The following FTO variants were observed in gnomAD, a reference collection of about 807,000 sequenced individuals.
FTO encodes the protein alpha-ketoglutarate-dependent dioxygenase FTO.
Under a neutral mutation model 63.9 loss-of-function variants are expected in FTO, and 47 were observed. The observed-to-expected ratio is 0.74, with a 90% CI of 0.58 to 0.94. The LOEUF is 0.94. Ranked by LOEUF, FTO falls within the 40% of genes least tolerant of loss-of-function variation. The probability of loss-of-function intolerance (pLI) is 0.00; values close to 1 mark genes in which losing one functional copy is unlikely to be tolerated. For missense variants in FTO, 562 were observed against 618.1 expected (o/e 0.91, Z 0.96); for synonymous variants, 207 against 224.4 (o/e 0.92, Z 0.69).
intron 1 of FTO, among the ~76,000 whole-genome samples, chr16:53,725,994 A>G (rs2151499063): frequency 6.6e-6 from 1 of 152,254 alleles, no homozygotes; most frequent in East Asian, 1.9e-4. Context: ...ATTTCTTTTT[A>G]CTCAATTAAG....
intron 1 of FTO, among the ~76,000 whole-genome samples, chr16:53,754,206 G>A (rs755033212): frequency 5.3e-5 from 8 of 152,266 alleles, no homozygotes; most frequent in Middle Eastern, 3.4e-3. Flanking sequence ...GAGTCAGGCC[G>A]TCCTATAGCA....
chr16:53,985,907 A>G (rs113651855), intron 8 of FTO, among the ~76,000 whole-genome samples: 2,320 of 152,328 alleles, frequency 0.015, 50 homozygotes, highest in African/African-American at 0.052. Flanking sequence ...AAAGAGTGTA[A>G]CCACTAGTTT....
chr16:54,104,581 G>A (rs1278452632), intron 8 of FTO, among the ~76,000 whole-genome samples: 1 of 152,160 alleles, frequency 6.6e-6, no homozygotes, highest in Non-Finnish European at 1.5e-5. Flanking sequence ...AAAGTGCTGG[G>A]ATTACAGGTG....
chr16:53,753,768 G>T (rs948807665), intron 1 of FTO, among the ~76,000 whole-genome samples: 1 of 152,144 alleles, frequency 6.6e-6, no homozygotes, highest in African/African-American at 2.4e-5. Flanking sequence ...TCCTCAGCTG[G>T]GAAGTGTGGG....
chr16:53,953,899 T>C (rs1001508761), intron 8 of FTO, among the ~76,000 whole-genome samples: 3 of 152,216 alleles, frequency 2.0e-5, no homozygotes, highest in Non-Finnish European at 4.4e-5. Context: ...CAATGTGTGG[T>C]GATGCCAGCT....
chr16:53,742,508 C>T (rs908627029), intron 1 of FTO, among the ~76,000 whole-genome samples: 3 of 152,158 alleles, frequency 2.0e-5, no homozygotes, highest in African/African-American at 7.2e-5. Flanking sequence ...TTCAGTGAGG[C>T]AATCCAGCAC....
chr16:53,810,572 T>C (rs1229783425), intron 2 of FTO, among the ~76,000 whole-genome samples: 1 of 152,156 alleles, frequency 6.6e-6, no homozygotes, highest in Non-Finnish European at 1.5e-5. Flanking sequence ...TTGTGAACAT[T>C]TTCCCAGCTT....
intron 1 of FTO, among the ~76,000 whole-genome samples, chr16:53,770,967 C>T (rs999205842): frequency 1.3e-5 from 2 of 152,114 alleles, no homozygotes; most frequent in Admixed American, 1.3e-4. Context: ...TTTTTGCTCT[C>T]TTACACACTT....
chr16:53,993,676 TC>T (rs2083867538), intron 8 of FTO: 1 of 152,240 alleles, frequency 6.6e-6, no homozygotes, highest in Admixed American at 6.5e-5. Flanking sequence ...CTACCAATCC[TC>T]CTTTTGTAGC....
At chr16:53,954,274 C>G (rs1467234580) in intron 8 of FTO, among the ~76,000 whole-genome samples, 1 of 152,176 alleles carries the variant, frequency 6.6e-6, no homozygotes, top group African/African-American at 2.4e-5. Context: ...CCCTGTGGAA[C>G]AAAGAAATAA....
At chr16:54,038,712 T>C (rs2085002414) in intron 8 of FTO, among the ~76,000 whole-genome samples, 1 of 152,106 alleles carries the variant, frequency 6.6e-6, no homozygotes, top group African/African-American at 2.4e-5. Context: ...ACCTCTCCCC[T>C]CTCTCTCTTG....
chr16:54,051,608 A>T (rs569494221), intron 8 of FTO, among the ~76,000 whole-genome samples: 1 of 152,278 alleles, frequency 6.6e-6, no homozygotes, highest in South Asian at 2.1e-4. Flanking sequence ...CTGAGGACCC[A>T]TTTCTGAGAT....
intron 6 of FTO, among the ~76,000 whole-genome samples, chr16:53,881,206 C>T (rs2080824409): frequency 6.6e-6 from 1 of 152,050 alleles, no homozygotes; most frequent in Non-Finnish European, 1.5e-5. Context: ...CCATAGCATT[C>T]TCCCAGCTTC....
intron 1 of FTO, among the ~76,000 whole-genome samples, chr16:53,789,875 CAAATTATATATACATATACGTATATATAT>C: frequency 6.5e-5 from 1 of 15,450 alleles, no homozygotes; most frequent in African/African-American, 1.5e-3. Flanking sequence ...TATATATATA[CAAATTATATATACATATACGTATATATAT>C]ACAAATTATA....
chr16:54,107,806 G>A lies in FTO; in HGVS notation c.1365-3956G>A, dbSNP rs1394830603. Among the ~76,000 whole-genome samples the A allele has an allele frequency of 9.2e-5, 14 of 152,296 alleles. No homozygotes were observed. In the South Asian group the frequency reaches 1.0e-3, roughly 11 times the overall value. On this transcript the variant is annotated intron_variant, in intron 8 of 8. Transcript: ENST00000471389. ...GTACAGGACCCACCCCTTGCTGGACGGCAGCAAAATGTTGATGGCAGTTCC... is the reference window on the plus strand; with the variant it reads ...GTACAGGACCCACCCCTTGCTGGACAGCAGCAAAATGTTGATGGCAGTTCC...
rs772075260 is a variant in FTO, at chr16:53,708,364, C to CA, written c.45+4148dup. 3.4e-3 allele frequency among the ~76,000 whole-genome samples: 407 copies of CA among 121,410 alleles called. 4 individuals are homozygous for CA. The highest frequency in any genetic ancestry group is 2.9e-3 in the South Asian group (11 of 3,842). The allele number at this position is 121,410 out of a possible 152,430, so 79.6% of individuals were successfully genotyped here. On this transcript the variant is annotated intron_variant, in intron 1 of 8. Coordinates refer to ENST00000471389, the MANE Select transcript of FTO (RefSeq NM_001080432.3). ...TGGGTGACAGAGTGAGACTGTGTCTCAAAAAAAAAAAAAGAATTCCAGTGT... is the reference window on the plus strand; with the variant it reads ...TGGGTGACAGAGTGAGACTGTGTCTCAAAAAAAAAAAAAAGAATTCCAGTGT...
chr16:53,817,141 G>A (rs1380613253), intron 2 of FTO, among the ~76,000 whole-genome samples: 2 of 152,168 alleles, frequency 1.3e-5, no homozygotes, highest in Admixed American at 1.3e-4. Context: ...CTGGTACATA[G>A]GAAGTATTTG....
At chr16:53,838,610 TG>T (rs1314443533) in intron 3 of FTO, among the ~76,000 whole-genome samples, 1 of 152,136 alleles carries the variant, frequency 6.6e-6, no homozygotes, top group Non-Finnish European at 1.5e-5. Flanking sequence ...CACACCAAGC[TG>T]AGAATCTTTT....
At position 53,727,897 on chromosome 16, in the gene FTO, C is replaced by T. The variant is rs2076186816; in HGVS notation, c.45+23668C>T. ...AGTCACTCAGTAGGCATTCCCTGAT[C>T]TCCTTTTTATCCTTTTCTTTTACAT... On this transcript the variant is annotated intron_variant, in intron 1 of 8. Coordinates refer to ENST00000471389, the MANE Select transcript of FTO (RefSeq NM_001080432.3). Among the ~76,000 whole-genome samples, 12 of 152,246 alleles carry T rather than the reference C, an allele frequency of 7.9e-5. No homozygotes were observed. In the South Asian group the frequency reaches 2.3e-3, roughly 29 times the overall value.
Sources: gnomAD v4.1 joint callset for allele counts (sites outside exome capture counted in the v4.1 genomes callset) on GRCh38, gnomAD v4.1.1 for gene constraint, MANE v1.5 for transcripts, NCBI Gene and HGNC (gene_info 2026-07-23, HGNC 2026-07-21) for gene names.